The following CIT variants were observed in gnomAD, a reference collection of about 807,000 sequenced individuals.
CIT encodes the protein citron Rho-interacting kinase.
In CIT, 79 loss-of-function variants were observed where a neutral mutation model predicts 272.7. The observed-to-expected ratio is 0.29, with a 90% CI of 0.24 to 0.35. The LOEUF (loss-of-function observed/expected upper bound fraction) is 0.35. Among genes scored for constraint, CIT ranks in the 10% least tolerant of loss-of-function variants. The probability of loss-of-function intolerance (pLI) is 1.00; values close to 1 mark genes in which losing one functional copy is unlikely to be tolerated. For synonymous variants in CIT, 948 were observed against 995.6 expected (o/e 0.95, Z 0.90); for missense variants, 1,909 against 2,618.3 (o/e 0.73, Z 5.91).
At chr12:119,817,826 T>C (rs1398809499) in intron 9 of CIT, among the ~76,000 whole-genome samples, 1 of 150,492 alleles carries the variant, frequency 6.6e-6, no homozygotes, top group Non-Finnish European at 1.5e-5. Context: ...TGTAATCCCA[T>C]CACTTTGGGA....
At chr12:119,731,383 G>A (rs533684949) in intron 26 of CIT, among the ~76,000 whole-genome samples, 32 of 150,758 alleles carry the variant, frequency 2.1e-4, no homozygotes, top group South Asian at 1.3e-3. Flanking sequence ...GGCTGAGGCA[G>A]GAGAATTGCT....
rs1195439405 is a variant in CIT, at chr12:119,697,956, C to T, written c.5702+20G>A. The T allele has an allele frequency of 6.2e-7, 1 of 1,614,080 alleles. No homozygotes were observed. The highest frequency in any genetic ancestry group is 8.5e-7 in the Non-Finnish European group (1 of 1,179,932). ...ACCCCAATAGCTGAAGTTTTCCACG[C>T]ATGGGAGGACAATGCTTACCCTGCT... On this transcript the variant is annotated intron_variant, in intron 45 of 47. Transcript: ENST00000392521. The surrounding 1 kb of genome is among the most constrained non-coding windows in gnomAD (Gnocchi z 4.9).
At chr12:119,727,130 A>G (rs914426054) in intron 28 of CIT, among the ~76,000 whole-genome samples, 1 of 152,160 alleles carries the variant, frequency 6.6e-6, no homozygotes, top group Non-Finnish European at 1.5e-5. Context: ...TATTTAATAA[A>G]CTTCTATTTG....
intron 24 of CIT, among the ~76,000 whole-genome samples, chr12:119,739,077 C>A (rs1024875559): frequency 6.6e-6 from 1 of 152,076 alleles, no homozygotes; most frequent in African/African-American, 2.4e-5. Context: ...GTGAAGAAAC[C>A]AGTCAGATAA....
chr12:119,699,366 C>T (rs1206890159), intron 44 of CIT, among the ~76,000 whole-genome samples: 1 of 151,700 alleles, frequency 6.6e-6, no homozygotes, highest in African/African-American at 2.4e-5. Flanking sequence ...ATGACAGTGT[C>T]ACTGAAACTA....
chr12:119,692,465 C>T (rs1424222516), intron 46 of CIT, among the ~76,000 whole-genome samples: 3 of 152,174 alleles, frequency 2.0e-5, no homozygotes, highest in Non-Finnish European at 4.4e-5. Context: ...AATTGAGAAG[C>T]GACAGCAAAG....
At chr12:119,859,962 G>A (rs193100253) in intron 3 of CIT, among the ~76,000 whole-genome samples, 51 of 152,210 alleles carry the variant, frequency 3.4e-4, no homozygotes, top group African/African-American at 1.2e-3. Context: ...GACTATAGGC[G>A]CACACCACCA....
At chr12:119,861,940 C>T (rs746927046) in intron 3 of CIT, among the ~76,000 whole-genome samples, 28 of 152,136 alleles carry the variant, frequency 1.8e-4, no homozygotes, top group Non-Finnish European at 4.0e-4. Flanking sequence ...GCTCAGTATC[C>T]ATTAGAACAC....
At chr12:119,842,388 C>CAA (rs58634070) in intron 5 of CIT, among the ~76,000 whole-genome samples, 3,054 of 71,180 alleles carry the variant, frequency 0.043, 211 homozygotes, top group East Asian at 0.091. Flanking sequence ...GACTGCATCT[C>CAA]AAAAAAAAAA....
intron 16 of CIT, 78 bp from the exon 17 acceptor site, chr12:119,772,988 TG>T: frequency 8.0e-7 from 1 of 1,244,126 alleles, no homozygotes; most frequent in Non-Finnish European, 1.1e-6. Flanking sequence ...GTTCTGCACA[TG>T]TATCCCAGAA....
intron 20 of CIT, among the ~76,000 whole-genome samples, chr12:119,759,304 T>C (rs987045127): frequency 4.6e-5 from 7 of 152,138 alleles, no homozygotes; most frequent in African/African-American, 1.7e-4. Context: ...GTGAACCCAA[T>C]CATGACCTGC....
At chr12:119,847,016 GCT>G (rs1969857003) in intron 5 of CIT, among the ~76,000 whole-genome samples, 1 of 149,562 alleles carries the variant, frequency 6.7e-6, no homozygotes, top group African/African-American at 2.5e-5. Flanking sequence ...ACGGAGCCTC[GCT>G]CTGTCACCCA....
At chr12:119,827,291 GA>G (rs1968251824) in intron 7 of CIT, among the ~76,000 whole-genome samples, 1 of 152,142 alleles carries the variant, frequency 6.6e-6, no homozygotes, top group African/African-American at 2.4e-5. Context: ...TTGAAGAACT[GA>G]AAGTAGCTTA....
chr12:119,862,847 A>G (rs2906122), intron 3 of CIT, among the ~76,000 whole-genome samples: 1 of 116,146 alleles, frequency 8.6e-6, no homozygotes, highest in Non-Finnish European at 1.7e-5. Context: ...AAAAGAAAAA[A>G]CCAAAAAAAA....
intron 7 of CIT, 31 bp downstream of exon 7, chr12:119,832,740 C>T (rs1246694418): frequency 1.9e-6 from 3 of 1,548,840 alleles, no homozygotes; most frequent in South Asian, 1.1e-5. Context: ...TTAGTATAAA[C>T]TCTATTAAGC....
chr12:119,718,478 T>G lies in CIT; in HGVS notation c.4004-69A>C. 1 of 1,533,992 alleles carries G rather than the reference T, an allele frequency of 6.5e-7. No homozygotes were observed. Among genetic ancestry groups the G allele is most frequent in the Admixed American group, 1.9e-5 (1 of 51,542 alleles). ...CTAGAGGACCAAACTAAGCCGAATG[T>G]CCCTGGGCTATCTTTCAAGGACCCA... On this transcript the variant is annotated intron_variant, in intron 31 of 47. Transcript: ENST00000392521. This position sits in a 1 kb window ranked among gnomAD's most constrained non-coding sequence, Gnocchi z 4.8.
Position 119,770,167 on chromosome 12 carries a change from C to T in CIT, c.2208+618G>A, listed in dbSNP as rs527773227. ...ATCTGCAAATACCACCCGAACCTTCCTTGATCAAGTTAATTTGGTGATCAG... is the reference window on the plus strand; with the variant it reads ...ATCTGCAAATACCACCCGAACCTTCTTTGATCAAGTTAATTTGGTGATCAG... On this transcript the variant is annotated intron_variant, in intron 18 of 47. Transcript: ENST00000392521. The surrounding 1 kb of genome is among the most constrained non-coding windows in gnomAD (Gnocchi z 4.4). Among the ~76,000 whole-genome samples, 1 of 152,218 alleles carries T rather than the reference C, an allele frequency of 6.6e-6. No individual in the cohort carries two copies. The highest frequency in any genetic ancestry group is 2.1e-4 in the South Asian group (1 of 4,820).
intron 10 of CIT, among the ~76,000 whole-genome samples, chr12:119,795,133 A>C (rs574770457): frequency 6.6e-6 from 1 of 152,130 alleles, no homozygotes; most frequent in Non-Finnish European, 1.5e-5. Context: ...TGTAATCACA[A>C]CACTTTGGGA....
intron 5 of CIT, among the ~76,000 whole-genome samples, 185 bp downstream of exon 5, chr12:119,849,989 T>G (rs1251464552): frequency 1.3e-5 from 2 of 152,202 alleles, no homozygotes; most frequent in South Asian, 2.1e-4. Flanking sequence ...TTCAGCCCAA[T>G]GAGGCTGTTT....
Sources: allele counts gnomAD v4.1 joint callset (sites outside exome capture counted in the v4.1 genomes callset), GRCh38; gene constraint gnomAD v4.1.1; non-coding constraint Gnocchi (gnomAD v3.1); transcripts MANE v1.5; gene names NCBI Gene and HGNC (gene_info 2026-07-23, HGNC 2026-07-21).